The following GRK5 variants were observed in gnomAD, a reference collection of about 807,000 sequenced individuals.
The protein encoded by GRK5 is G protein-coupled receptor kinase 5.
In GRK5, 40 loss-of-function variants were observed where a neutral mutation model predicts 78.4. That is an observed-to-expected ratio of 0.51 (90% CI 0.40 to 0.66). The LOEUF is 0.66. GRK5 is among the 30% of genes least tolerant of loss of function. The pLI, the probability that GRK5 is intolerant of heterozygous loss-of-function variation, is 0.00. For missense variants in GRK5, 598 were observed against 759.9 expected, an observed-to-expected ratio of 0.79 and a Z score of 2.50; for synonymous variants, 289 against 296.8, an observed-to-expected ratio of 0.97 and a Z score of 0.27.
intron 2 of GRK5, among the ~76,000 whole-genome samples, chr10:119,335,176 C>CTCTCTCTCTCTCTCTCTCTCTCT (rs1850858276): frequency 8.2e-6 from 1 of 121,464 alleles, no homozygotes; most frequent in African/African-American, 3.3e-5. Context: ...CTCTCTCTCT[C>CTCTCTCTCTCTCTCTCTCTCTCT]CCCCTCTCCC....
At chr10:119,443,469 C>T (rs1853078691) in intron 11 of GRK5, 75 bp from the exon 12 acceptor site, 20 of 1,385,842 alleles carry the variant, frequency 1.4e-5, no homozygotes, top group Non-Finnish European at 1.9e-5. Flanking sequence ...GGCCATGAAA[C>T]TCCAGGCCTT....
At chr10:119,448,478 C>T (rs1431937156) in intron 13 of GRK5, among the ~76,000 whole-genome samples, 1 of 152,266 alleles carries the variant, frequency 6.6e-6, no homozygotes, top group African/African-American at 2.4e-5. Flanking sequence ...ATTGGCTGTC[C>T]AGAGACTTGG....
intron 2 of GRK5, among the ~76,000 whole-genome samples, chr10:119,366,613 A>G (rs1851454916): frequency 6.6e-6 from 1 of 152,184 alleles, no homozygotes; most frequent in African/African-American, 2.4e-5. Context: ...CCCAGTTGAT[A>G]GCCAGCCCCA....
intron 1 of GRK5, among the ~76,000 whole-genome samples, chr10:119,281,397 C>T (rs990288545): frequency 1.2e-4 from 19 of 152,172 alleles, no homozygotes; most frequent in African/African-American, 3.6e-4. Flanking sequence ...GTCTCTGCCC[C>T]GAGCTCTCCT....
chr10:119,390,222 G>A (rs780768642), intron 3 of GRK5, among the ~76,000 whole-genome samples: 4 of 152,098 alleles, frequency 2.6e-5, no homozygotes, highest in African/African-American at 7.2e-5. Context: ...TTTTCAGGCC[G>A]CTTTTAAAGA....
In GRK5 at chr10:119,442,006, T is replaced by C. The variant is rs778166997; in HGVS notation, c.975T>C (p.Ile325=). The change falls in exon 11 of 16, where the codon ATT becomes ATC. Residue 325 remains isoleucine, a synonymous_variant. Coordinates refer to ENST00000392870, the MANE Select transcript of GRK5 (RefSeq NM_005308.3). The part of the protein sequence containing the change: ...ENILLDDYGH[I]RISDLGLAVK... ...CCCTGCTGTCCCCCTCAGGCCACAT[T>C]AGGATCTCAGACCTGGGCTTGGCTG... 1 of 1,613,750 alleles carries C rather than the reference T, an allele frequency of 6.2e-7. No homozygotes were observed. Among genetic ancestry groups the C allele is most frequent in the African/African-American group, 1.3e-5 (1 of 74,932 alleles).
chr10:119,291,555 T>TTCC (rs1428958504), intron 1 of GRK5, among the ~76,000 whole-genome samples: 3 of 114,606 alleles, frequency 2.6e-5, no homozygotes, highest in South Asian at 6.1e-4. Flanking sequence ...CCTCCTCCTC[T>TTCC]TCCTCCTCCT....
intron 2 of GRK5, among the ~76,000 whole-genome samples, chr10:119,375,318 C>T (rs1351878765): frequency 2.0e-5 from 3 of 152,206 alleles, no homozygotes; most frequent in Non-Finnish European, 4.4e-5. Context: ...AAGCCCCATT[C>T]TCTCTGGCTT....
intron 1 of GRK5, among the ~76,000 whole-genome samples, chr10:119,289,083 A>G (rs1849907599): frequency 1.3e-5 from 2 of 152,196 alleles, no homozygotes; most frequent in African/African-American, 2.4e-5. Context: ...ATGAGAAAAT[A>G]TGGTAAAAGG....
At chr10:119,337,204 A>G (rs1171408434) in intron 2 of GRK5, among the ~76,000 whole-genome samples, 2 of 152,138 alleles carry the variant, frequency 1.3e-5, no homozygotes, top group African/African-American at 4.8e-5. Context: ...TTGAGTTTGA[A>G]ACGCACTGTT....
At chr10:119,396,218 A>G (rs995312412) in intron 3 of GRK5, among the ~76,000 whole-genome samples, 1 of 152,196 alleles carries the variant, frequency 6.6e-6, no homozygotes, top group African/African-American at 2.4e-5. Context: ...GGTTAAGCAA[A>G]TTGTCTACGA....
intron 2 of GRK5, among the ~76,000 whole-genome samples, chr10:119,346,612 G>A (rs1403742676): frequency 6.6e-6 from 1 of 152,196 alleles, no homozygotes; most frequent in South Asian, 2.1e-4. Context: ...GGACATGTGG[G>A]CTGGAGCTGC....
At chr10:119,375,618 A>G (rs1365177020) in intron 2 of GRK5, among the ~76,000 whole-genome samples, 1 of 152,188 alleles carries the variant, frequency 6.6e-6, no homozygotes, top group Non-Finnish European at 1.5e-5. Context: ...ACAAGGACTA[A>G]GCAAGTGTCT....
At chr10:119,370,970 C>T (rs1160178038) in intron 2 of GRK5, among the ~76,000 whole-genome samples, 4 of 139,922 alleles carry the variant, frequency 2.9e-5, no homozygotes, top group Non-Finnish European at 6.2e-5. Context: ...CTCCTTCCAC[C>T]CCCCCGCCCC....
chr10:119,304,953 C>T (rs553125140), intron 1 of GRK5, among the ~76,000 whole-genome samples: 1 of 152,200 alleles, frequency 6.6e-6, no homozygotes, highest in African/African-American at 2.4e-5. Flanking sequence ...TCTTCCCTAC[C>T]TGTTTTTCTT....
Position 119,297,408 on chromosome 10 carries a change from C to T in GRK5, c.53-29108C>T, listed in dbSNP as rs76535451. ...CCTGCAGATGGGTGAAGAGTCTGGC[C>T]TCCCCACTGTACAGAGGTCAGATGT... On this transcript the variant is annotated intron_variant, in intron 1 of 15. Coordinates refer to ENST00000392870, the MANE Select transcript of GRK5 (RefSeq NM_005308.3). Among the ~76,000 whole-genome samples the T allele has an allele frequency of 6.2e-3, 943 of 152,302 alleles. 17 individuals are homozygous for T. The highest frequency in any genetic ancestry group is 0.022 in the African/African-American group (894 of 41,558).
At chr10:119,427,338 ACATCACCACCATCAT>A (rs1852708154) in intron 6 of GRK5, among the ~76,000 whole-genome samples, 1 of 31,274 alleles carries the variant, frequency 3.2e-5, no homozygotes, top group African/African-American at 1.3e-4. Context: ...GCCTTCATCA[ACATCACCACCATCAT>A]CAGCATCATC....
At chr10:119,402,450 G>A (rs547035410) in intron 4 of GRK5, among the ~76,000 whole-genome samples, 4 of 152,296 alleles carry the variant, frequency 2.6e-5, no homozygotes, top group African/African-American at 9.6e-5. Context: ...TCAGGAGAGG[G>A]GAGGGTCACT....
chr10:119,428,375 G>T (rs1852745107), intron 6 of GRK5, among the ~76,000 whole-genome samples: 1 of 152,378 alleles, frequency 6.6e-6, no homozygotes, highest in South Asian at 2.1e-4. Context: ...TGTGCTTGGA[G>T]CAGTAGGTAT....
Sources: allele counts gnomAD v4.1 joint callset (sites outside exome capture counted in the v4.1 genomes callset), GRCh38; gene constraint gnomAD v4.1.1; transcripts MANE v1.5; gene names NCBI Gene and HGNC (gene_info 2026-07-23, HGNC 2026-07-21).